Variants in PDE4D observed in about 807,000 individuals in gnomAD.
PDE4D encodes phosphodiesterase 4D, also known as 3',5'-cyclic-AMP phosphodiesterase 4D.
PDE4D carries 24 observed loss-of-function variants against 87.4 expected under a neutral mutation model. The observed-to-expected ratio is 0.27, with a 90% CI of 0.20 to 0.39. PDE4D has a LOEUF of 0.39. Ranked by LOEUF, PDE4D falls within the 10% of genes least tolerant of loss-of-function variation. The pLI, the probability that PDE4D is intolerant of heterozygous loss-of-function variation, is 1.00. For missense variants in PDE4D, 714 were observed against 1,041.0 expected (o/e 0.69, Z 4.32); for synonymous variants, 384 against 383.2 (o/e 1.00, Z -0.02).
intron 1 of PDE4D, among the ~76,000 whole-genome samples, chr5:59,552,523 T>A (rs947602241): frequency 6.6e-6 from 1 of 152,192 alleles, no homozygotes; most frequent in Non-Finnish European, 1.5e-5. Flanking sequence ...TTATTGCTTA[T>A]AACTAAGCTG....
intron 1 of PDE4D, chr5:60,335,151 C>T (rs1757635335): frequency 6.6e-6 from 1 of 152,208 alleles, no homozygotes; most frequent in South Asian, 2.1e-4. Context: ...TAAAGGAAGC[C>T]AGACACTAGT....
chr5:59,100,526 C>T (rs1346880145), intron 5 of PDE4D, among the ~76,000 whole-genome samples: 1 of 152,172 alleles, frequency 6.6e-6, no homozygotes, highest in Non-Finnish European at 1.5e-5. Flanking sequence ...GAACATTACT[C>T]TACACACAGT....
chr5:59,429,249 G>C (rs138145914), intron 1 of PDE4D, among the ~76,000 whole-genome samples: 27 of 152,272 alleles, frequency 1.8e-4, no homozygotes, highest in African/African-American at 5.8e-4. Flanking sequence ...GGTGTCTTAG[G>C]ACACACTTTT....
chr5:59,803,795 A>C (rs1464437376), intron 1 of PDE4D, among the ~76,000 whole-genome samples: 2 of 152,254 alleles, frequency 1.3e-5, no homozygotes, highest in African/African-American at 4.8e-5. Flanking sequence ...AGACAAGGTC[A>C]CGTGGGCTAG....
chr5:59,478,251 C>A (rs1020334714), intron 1 of PDE4D, among the ~76,000 whole-genome samples: 1 of 152,050 alleles, frequency 6.6e-6, no homozygotes, highest in African/African-American at 2.4e-5. Flanking sequence ...TAATTACCAT[C>A]ATATGGGAAT....
intron 1 of PDE4D, among the ~76,000 whole-genome samples, chr5:60,517,218 G>T (rs1319072933): frequency 3.3e-5 from 5 of 152,352 alleles, no homozygotes; most frequent in Non-Finnish European, 4.4e-5. Flanking sequence ...GTGCACCAAG[G>T]AGCATGGGAG....
chr5:59,059,584 A>G (rs1193076276), intron 5 of PDE4D, among the ~76,000 whole-genome samples: 1 of 152,194 alleles, frequency 6.6e-6, no homozygotes, highest in Admixed American at 6.5e-5. Context: ...ATTTTGTGCT[A>G]TCAGTTTTTC....
intron 1 of PDE4D, among the ~76,000 whole-genome samples, chr5:59,358,318 C>A (rs769120031): frequency 1.7e-4 from 26 of 152,122 alleles, no homozygotes; most frequent in Non-Finnish European, 3.2e-4. Flanking sequence ...GCAGAGAGTT[C>A]AAAAATAAAC....
intron 1 of PDE4D, among the ~76,000 whole-genome samples, chr5:59,509,912 TTA>T (rs1202049827): frequency 2.0e-5 from 3 of 147,270 alleles, no homozygotes; most frequent in Non-Finnish European, 3.0e-5. Flanking sequence ...TTATATAAAC[TTA>T]TATATAATTA....
chr5:59,631,974 G>T (rs1831636622), intron 1 of PDE4D, among the ~76,000 whole-genome samples: 1 of 152,344 alleles, frequency 6.6e-6, no homozygotes, highest in East Asian at 1.9e-4. Context: ...ACAGAGCCCA[G>T]CAAGCTAAGA....
At chr5:60,113,998 G>A (rs1777916967) in intron 2 of PDE4D, among the ~76,000 whole-genome samples, 1 of 152,054 alleles carries the variant, frequency 6.6e-6, no homozygotes, top group African/African-American at 2.4e-5. Context: ...AATGTAGAGT[G>A]GCAGTACCTA....
intron 2 of PDE4D, among the ~76,000 whole-genome samples, chr5:60,064,898 T>G (rs1052033639): frequency 6.6e-6 from 1 of 152,150 alleles, no homozygotes; most frequent in Non-Finnish European, 1.5e-5. Flanking sequence ...TGGTGAGAAC[T>G]GCTGTTCTAT....
intron 1 of PDE4D, among the ~76,000 whole-genome samples, chr5:59,759,170 A>G (rs1371003633): frequency 6.6e-6 from 1 of 152,220 alleles, no homozygotes; most frequent in African/African-American, 2.4e-5. Flanking sequence ...AAAAGTGCTG[A>G]AACTCCTTTA....
At position 58,991,844 on chromosome 5, in the gene PDE4D, ATCT is replaced by A. The variant is rs751167507; in HGVS notation, c.1173_1175del (p.Glu391del). The A allele has an allele frequency of 1.3e-6, 2 of 1,498,932 alleles. No homozygotes were observed. The highest frequency in any genetic ancestry group is 2.5e-5 in the East Asian group (1 of 40,628). 92.9% of individuals were successfully genotyped at this position (1,498,932 alleles called of 1,614,324 possible). A position where few individuals can be genotyped will look rare whatever the true frequency, so the allele number is the denominator to read the frequency against. ...GAAATCATCATACCTTGGCAAGGAC[ATCT>A]TCTTGTTCAGTTTTAACTCCAAACC... On this transcript the variant is annotated inframe_deletion, in exon 8 of 15. Coordinates refer to ENST00000340635, the MANE Select transcript of PDE4D (RefSeq NM_001104631.2).
chr5:59,841,248 A>T (rs998157610), intron 1 of PDE4D, among the ~76,000 whole-genome samples: 3 of 152,026 alleles, frequency 2.0e-5, no homozygotes, highest in African/African-American at 7.2e-5. Flanking sequence ...CTGGAAGTGG[A>T]TGTGAGGGAA....
intron 2 of PDE4D, among the ~76,000 whole-genome samples, chr5:60,031,933 T>C (rs937821302): frequency 5.3e-5 from 8 of 152,176 alleles, no homozygotes; most frequent in Non-Finnish European, 1.2e-4. Flanking sequence ...ATTACAAGAA[T>C]AATTAAAATC....
intron 1 of PDE4D, among the ~76,000 whole-genome samples, chr5:59,823,435 C>A (rs1581267073): frequency 6.6e-6 from 1 of 152,096 alleles, no homozygotes; most frequent in East Asian, 1.9e-4. Context: ...GAGGGAAGGA[C>A]AGAGCTTGCC....
rs533005554 is a variant in PDE4D at position 59,197,657 on chromosome 5, A to C, written c.648-4121T>G. Among the ~76,000 whole-genome samples the C allele has an allele frequency of 1.1e-4, 17 of 152,350 alleles. 1 individual carries two copies. The South Asian group carries it at 3.5e-3, about 32-fold the overall frequency. On this transcript the variant is annotated intron_variant, in intron 2 of 14. Transcript: ENST00000340635. ...TTTTATTTGTGGTTAGAAGAAAATA[A>C]ATATAATACAAACATATCTTTGAAT...
At chr5:60,440,794 C>A (rs1211994312) in intron 1 of PDE4D, among the ~76,000 whole-genome samples, 1 of 152,056 alleles carries the variant, frequency 6.6e-6, no homozygotes, top group Non-Finnish European at 1.5e-5. Context: ...ATTATTACAA[C>A]AACCCTATAA....
Sources: allele counts gnomAD v4.1 joint callset (sites outside exome capture counted in the v4.1 genomes callset), GRCh38; gene constraint gnomAD v4.1.1; transcripts MANE v1.5; gene names NCBI Gene and HGNC (gene_info 2026-07-23, HGNC 2026-07-21).